The following TSHZ2 variants were observed in gnomAD, a reference collection of about 807,000 sequenced individuals.
TSHZ2 encodes the protein teashirt zinc finger homeobox 2.
In TSHZ2, 21 loss-of-function variants were observed where a neutral mutation model predicts 74.4. The observed-to-expected ratio is 0.28, with a 90% CI of 0.20 to 0.41. TSHZ2 has a LOEUF of 0.41. TSHZ2 is among the 10% of genes least tolerant of loss of function. TSHZ2 has a pLI of 1.00. For missense variants in TSHZ2, 1,244 were observed against 1,293.5 expected, an observed-to-expected ratio of 0.96 and a Z score of 0.59; for synonymous variants, 540 against 515.3, an observed-to-expected ratio of 1.05 and a Z score of -0.65.
At chr20:53,387,785 G>A (rs890127263) in intron 2 of TSHZ2, among the ~76,000 whole-genome samples, 8 of 152,156 alleles carry the variant, frequency 5.3e-5, no homozygotes, top group South Asian at 2.1e-4. Context: ...GGTGGTTCAC[G>A]CCTGTAATCC....
intron 1 of TSHZ2, among the ~76,000 whole-genome samples, chr20:53,005,751 C>T (rs1001036504): frequency 1.3e-5 from 2 of 152,166 alleles, no homozygotes; most frequent in Non-Finnish European, 2.9e-5. Flanking sequence ...AGTACTGGCT[C>T]TTTCTGGTTA....
chr20:53,274,601 G>T (rs1167824163), intron 2 of TSHZ2, among the ~76,000 whole-genome samples: 1 of 152,220 alleles, frequency 6.6e-6, no homozygotes, highest in Admixed American at 6.5e-5. Flanking sequence ...GGAAAGCTGA[G>T]GTAGATGTCA....
intron 1 of TSHZ2, among the ~76,000 whole-genome samples, chr20:53,135,345 C>T (rs983449607): frequency 1.3e-5 from 2 of 152,134 alleles, no homozygotes; most frequent in Non-Finnish European, 1.5e-5. Flanking sequence ...ATTTGTTCTC[C>T]ATCTCTATCA....
intron 2 of TSHZ2, among the ~76,000 whole-genome samples, chr20:53,313,588 T>C (rs1394456008): frequency 6.6e-6 from 1 of 152,206 alleles, no homozygotes; most frequent in Non-Finnish European, 1.5e-5. Flanking sequence ...AGTCCTTTTG[T>C]TCCAAACCTC....
At chr20:53,352,040 G>A (rs558986670) in intron 2 of TSHZ2, among the ~76,000 whole-genome samples, 1 of 152,068 alleles carries the variant, frequency 6.6e-6, no homozygotes, top group Non-Finnish European at 1.5e-5. Flanking sequence ...TATTACTTTA[G>A]AAATTGTTCA....
intron 2 of TSHZ2, among the ~76,000 whole-genome samples, chr20:53,418,766 T>C (rs1223030014): frequency 6.6e-6 from 1 of 152,024 alleles, no homozygotes; most frequent in African/African-American, 2.4e-5. Flanking sequence ...GACTCCCAGG[T>C]TCTCAATAAG....
chr20:53,110,778 A>G (rs1986511970), intron 1 of TSHZ2, among the ~76,000 whole-genome samples: 1 of 152,144 alleles, frequency 6.6e-6, no homozygotes, highest in Admixed American at 6.5e-5. Flanking sequence ...AACCTAAAAT[A>G]AAGCTACAGA....
intron 2 of TSHZ2, among the ~76,000 whole-genome samples, chr20:53,301,054 C>T (rs1224718622): frequency 6.6e-6 from 1 of 151,996 alleles, no homozygotes; most frequent in Non-Finnish European, 1.5e-5. Flanking sequence ...CCTTCACGTC[C>T]CCGGTTCAAG....
At chr20:53,306,323 G>A (rs1332445837) in intron 2 of TSHZ2, among the ~76,000 whole-genome samples, 1 of 152,176 alleles carries the variant, frequency 6.6e-6, no homozygotes, top group Non-Finnish European at 1.5e-5. Flanking sequence ...CCAAAATTGT[G>A]TACTCAGCCA....
At chr20:53,394,517 TG>T (rs1982372024) in intron 2 of TSHZ2, among the ~76,000 whole-genome samples, 1 of 152,290 alleles carries the variant, frequency 6.6e-6, no homozygotes, top group Non-Finnish European at 1.5e-5. Flanking sequence ...GTTACTGTTC[TG>T]GATGTTGGAG....
At chr20:53,110,148 G>C (rs553060069) in intron 1 of TSHZ2, among the ~76,000 whole-genome samples, 3 of 152,122 alleles carry the variant, frequency 2.0e-5, no homozygotes, top group Admixed American at 6.5e-5. Context: ...GTCTTAATCA[G>C]GGCATTTCCA....
chr20:53,087,771 C>G (rs955132344), intron 1 of TSHZ2, among the ~76,000 whole-genome samples: 1 of 152,138 alleles, frequency 6.6e-6, no homozygotes, highest in Admixed American at 6.5e-5. Flanking sequence ...AATGATGGTA[C>G]GTGTTGGCTG....
Position 53,197,166 on chromosome 20 carries a change from C to T in TSHZ2, c.41-56333C>T, listed in dbSNP as rs1043405653. ...TTACTCCATCTGTATTTCCAATCAGCGAGGAAGGTTTACCAAAGTGGTTCA... is the reference window on the plus strand; with the variant it reads ...TTACTCCATCTGTATTTCCAATCAGTGAGGAAGGTTTACCAAAGTGGTTCA... On this transcript the variant is annotated intron_variant, in intron 1 of 2. Transcript: ENST00000371497. Among the ~76,000 whole-genome samples, 18 of 152,262 alleles carry T rather than the reference C, an allele frequency of 1.2e-4. 1 individual carries two copies. The highest frequency in any genetic ancestry group is 7.2e-4 in the Admixed American group (11 of 15,296).
chr20:53,002,424 TC>T (rs1982475430), intron 1 of TSHZ2, among the ~76,000 whole-genome samples: 1 of 152,186 alleles, frequency 6.6e-6, no homozygotes, highest in East Asian at 1.9e-4. Context: ...TATCTTTTTT[TC>T]ATCTTCCTAA....
intron 1 of TSHZ2, among the ~76,000 whole-genome samples, chr20:52,984,373 G>A (rs1198355998): frequency 2.0e-5 from 3 of 152,182 alleles, no homozygotes; most frequent in Non-Finnish European, 4.4e-5. Context: ...GAGCATGACA[G>A]GAAGTGGCTG....
At chr20:53,128,138 G>A (rs1307858692) in intron 1 of TSHZ2, among the ~76,000 whole-genome samples, 3 of 151,746 alleles carry the variant, frequency 2.0e-5, no homozygotes, top group Non-Finnish European at 4.4e-5. Context: ...TTTCCTATGT[G>A]GTCAAAGAAC....
At chr20:53,052,316 C>T (rs1984497785) in intron 1 of TSHZ2, among the ~76,000 whole-genome samples, 1 of 152,182 alleles carries the variant, frequency 6.6e-6, no homozygotes, top group African/African-American at 2.4e-5. Flanking sequence ...GTCCTTTGCC[C>T]ATTAGGAGCC....
At chr20:53,418,075 G>A (rs899235721) in intron 2 of TSHZ2, among the ~76,000 whole-genome samples, 6 of 152,190 alleles carry the variant, frequency 3.9e-5, no homozygotes, top group Admixed American at 2.0e-4. Flanking sequence ...AGGTTGGAGG[G>A]GACCCTTAGC....
chr20:53,136,683 T>A (rs1011032373), intron 1 of TSHZ2, among the ~76,000 whole-genome samples: 1 of 152,270 alleles, frequency 6.6e-6, no homozygotes, highest in South Asian at 2.1e-4. Flanking sequence ...GAGTTTCAAG[T>A]CTCCTTTCAC....
Sources: gnomAD v4.1 joint callset for allele counts (sites outside exome capture counted in the v4.1 genomes callset) on GRCh38, gnomAD v4.1.1 for gene constraint, MANE v1.5 for transcripts, NCBI Gene and HGNC (gene_info 2026-07-23, HGNC 2026-07-21) for gene names.